MADD: variants seen among roughly 807,000 people sequenced by gnomAD.
MADD encodes MAP kinase-activating death domain protein.
A neutral mutation model predicts 176.7 loss-of-function variants in MADD; 109 were observed. The ratio of observed to expected loss-of-function variants is 0.62; its 90% confidence interval spans 0.53 to 0.72. The LOEUF (loss-of-function observed/expected upper bound fraction) is 0.72. Ranked by LOEUF, MADD falls within the 30% of genes least tolerant of loss-of-function variation. The pLI, the probability that MADD is intolerant of heterozygous loss-of-function variation, is 0.00. For synonymous variants in MADD, 771 were observed against 771.3 expected, an observed-to-expected ratio of 1.00 and a Z score of 0.01; for missense variants, 1,914 against 2,045.5, an observed-to-expected ratio of 0.94 and a Z score of 1.24.
At chr11:47,286,025 C>T (rs892006281) in intron 14 of MADD, among the ~76,000 whole-genome samples, 1 of 152,146 alleles carries the variant, frequency 6.6e-6, no homozygotes, top group Non-Finnish European at 1.5e-5. Flanking sequence ...AGTGCAGGGT[C>T]GTATCAGCTA....
rs1225053518 is a variant in MADD at position 47,286,453 on chromosome 11, A to G, written c.2572A>G (p.Ser858Gly). The change falls in exon 15 of 33, where the codon AGT (serine) becomes GGT (glycine). Residue 858 changes from serine (S) to glycine (G), a missense_variant. Physicochemically the swap from Ser to Gly is moderately conservative, Grantham distance 56. This residue lies in a region of MADD where 1,767 missense variants were observed against 1,836.0 expected (regional missense o/e 0.96). Coordinates refer to ENST00000402192, the Ensembl canonical transcript of MADD. ...GATAGGCAGCCTCTATCGGAACCACAGTACCAGCTTCAGTCTTTCAAACCT... is the reference window on the plus strand; with the variant it reads ...GATAGGCAGCCTCTATCGGAACCACGGTACCAGCTTCAGTCTTTCAAACCT... The G allele has an allele frequency of 1.9e-6, 3 of 1,614,078 alleles. No homozygotes were observed. The highest frequency in any genetic ancestry group is 1.7e-6 in the Non-Finnish European group (2 of 1,179,986).
chr11:47,303,219 C>G (rs1350312202), intron 22 of MADD, among the ~76,000 whole-genome samples: 4 of 148,026 alleles, frequency 2.7e-5, no homozygotes, highest in African/African-American at 4.9e-5. Flanking sequence ...TTAAATGTGA[C>G]TTAACACTTT....
intron 27 of MADD, among the ~76,000 whole-genome samples, chr11:47,321,570 T>C (rs1282880125): frequency 1.3e-5 from 2 of 152,150 alleles, no homozygotes; most frequent in East Asian, 3.8e-4. Flanking sequence ...TTATAAAATA[T>C]GGTGAGCATT....
chr11:47,322,611 A>T (rs1409896028), intron 27 of MADD, among the ~76,000 whole-genome samples: 2 of 152,092 alleles, frequency 1.3e-5, no homozygotes, highest in African/African-American at 4.8e-5. Flanking sequence ...GATCCGTCTC[A>T]AAAAGAAGAA....
intron 27 of MADD, among the ~76,000 whole-genome samples, chr11:47,319,124 T>C (rs975696739): frequency 7.3e-6 from 1 of 137,142 alleles, no homozygotes. Flanking sequence ...AATATATATA[T>C]ATATATAATT....
chr11:47,270,651 G>A (rs1459964233), intron 1 of MADD: 1 of 152,236 alleles, frequency 6.6e-6, no homozygotes, highest in East Asian at 1.9e-4. Flanking sequence ...GGAGAAACAC[G>A]TTTGGTTCTC....
At chr11:47,327,258 G>C (rs1208758420) in intron 31 of MADD, 14 of 994,064 alleles carry the variant, frequency 1.4e-5, no homozygotes, top group African/African-American at 3.5e-5. Flanking sequence ...AGGGGCACCG[G>C]GCGTCGCAGG....
intron 26 of MADD, 33 bp downstream of exon 29, chr11:47,311,875 C>A: frequency 7.2e-7 from 1 of 1,390,046 alleles, no homozygotes; most frequent in Non-Finnish European, 1.0e-6. Context: ...TAGGCTTCCC[C>A]ATGGGTCATT....
rs971864929 is a variant in MADD, at chr11:47,324,316, C to T, written c.4414C>T (p.Arg1472Ter). The change falls in exon 29 of 33, where the codon CGA becomes TGA. Residue 1472 changes from arginine (R) to a stop codon, truncating the protein, a stop_gained. Coordinates refer to ENST00000402192, the Ensembl canonical transcript of MADD. LOFTEE classifies it high-confidence loss of function. Reference sequence around the variant, plus strand: ...GGACAGCATGGAGCGCGCTGCCGCCCGACAGCAAAGCATCAAACCCGGTGA... The same window carrying T: ...GGACAGCATGGAGCGCGCTGCCGCCTGACAGCAAAGCATCAAACCCGGTGA... The T allele has an allele frequency of 9.3e-6, 15 of 1,614,156 alleles. No homozygotes were observed. Among genetic ancestry groups the T allele is most frequent in the Non-Finnish European group, 1.3e-5 (15 of 1,180,022 alleles).
intron 20 of MADD, among the ~76,000 whole-genome samples, 198 bp downstream of exon 22, chr11:47,294,181 C>G (rs2068143166): frequency 6.6e-6 from 1 of 150,832 alleles, no homozygotes; most frequent in South Asian, 2.1e-4. Flanking sequence ...GAAACCCCGC[C>G]CCTATGAAAA....
chr11:47,283,772 C>T (rs533082794), intron 10 of MADD, among the ~76,000 whole-genome samples: 1 of 152,194 alleles, frequency 6.6e-6, no homozygotes, highest in African/African-American at 2.4e-5. Flanking sequence ...AAGGTTTCAC[C>T]ATGTTGGCCA....
intron 27 of MADD, among the ~76,000 whole-genome samples, chr11:47,317,177 A>G (rs1342790409): frequency 6.6e-6 from 1 of 152,186 alleles, no homozygotes; most frequent in Non-Finnish European, 1.5e-5. Flanking sequence ...TTATGGCTAC[A>G]TGTATTCCAC....
In MADD at chr11:47,273,808, G is replaced by T; in HGVS notation, c.-88-19G>T. 1 of 911,798 alleles carries T rather than the reference G, an allele frequency of 1.1e-6. No homozygotes were observed. 56.5% of individuals were successfully genotyped at this position (911,798 alleles called of 1,614,324 possible). Reference sequence around the variant, plus strand: ...TTAGGCACAGCAGTGGATCTTATCAGTACTTTTTTTCCTATTAGACTTCGA... The same window carrying T: ...TTAGGCACAGCAGTGGATCTTATCATTACTTTTTTTCCTATTAGACTTCGA... On this transcript the variant is annotated intron_variant, in intron 1 of 32. Transcript: ENST00000402192.
chr11:47,286,120 C>T, intron 14 of MADD, among the ~76,000 whole-genome samples: 1 of 152,216 alleles, frequency 6.6e-6, no homozygotes, highest in East Asian at 1.9e-4. Flanking sequence ...CAGGGAGGGA[C>T]AGTGCCAGCT....
chr11:47,314,923 C>CA (rs35642448), intron 26 of MADD, among the ~76,000 whole-genome samples: 76 of 152,310 alleles, frequency 5.0e-4, no homozygotes, highest in Non-Finnish European at 4.6e-4. Context: ...TTATATTAAT[C>CA]ATTAATTGTT....
intron 31 of MADD, 159 bp from the exon 36 acceptor site, chr11:47,328,499 G>A: frequency 6.7e-7 from 1 of 1,492,090 alleles, no homozygotes; most frequent in South Asian, 1.4e-5. Flanking sequence ...AGAGCCTCTG[G>A]TGGCCTCTGC....
chr11:47,293,994 A>G lies in MADD; in HGVS notation c.3402+11A>G. The G allele has an allele frequency of 6.2e-7, 1 of 1,605,618 alleles. No individual in the cohort carries two copies. The highest frequency in any genetic ancestry group is 8.5e-7 in the Non-Finnish European group (1 of 1,172,342). Reference sequence around the variant, plus strand: ...ACGTCTAGTTCCCAGGTTTGTGACAACCTTGTTGAAATTTGCAAGTATTAA... The same window carrying G: ...ACGTCTAGTTCCCAGGTTTGTGACAGCCTTGTTGAAATTTGCAAGTATTAA... On this transcript the variant is annotated intron_variant, in intron 20 of 32. Coordinates refer to ENST00000402192, the Ensembl canonical transcript of MADD.
intron 22 of MADD, among the ~76,000 whole-genome samples, chr11:47,307,695 G>C (rs1042941339): frequency 3.7e-4 from 56 of 151,390 alleles, no homozygotes; most frequent in Non-Finnish European, 4.3e-4. Flanking sequence ...CCAAGTTGGA[G>C]TCTCACTCTG....
chr11:47,274,952 CT>C lies in MADD; in HGVS notation c.453del (p.Asp152MetfsTer2), dbSNP rs2048345362. The stretch of plus-strand genomic sequence containing the variant: ...CAGCCTCTCAGTGCTGACTCTACCC[CT>C]GATGTGAACCAGTCTCCTCGGGGCA... On this transcript the variant is annotated frameshift_variant, in exon 3 of 33. Transcript: ENST00000402192. LOFTEE classifies it high-confidence loss of function. The C allele has an allele frequency of 6.2e-7, 1 of 1,614,128 alleles. No individual in the cohort carries two copies. The highest frequency in any genetic ancestry group is 8.5e-7 in the Non-Finnish European group (1 of 1,180,004).
Sources: allele counts gnomAD v4.1 joint callset (sites outside exome capture counted in the v4.1 genomes callset), GRCh38; gene constraint gnomAD v4.1.1; regional missense constraint gnomAD v4.1.1; transcripts MANE v1.5; gene names NCBI Gene and HGNC (gene_info 2026-07-23, HGNC 2026-07-21).